Variants in EIF4E3 observed in about 807,000 individuals in gnomAD.
EIF4E3 encodes eukaryotic translation initiation factor 4E type 3.
A neutral mutation model predicts 31.7 loss-of-function variants in EIF4E3; 26 were observed. The ratio of observed to expected loss-of-function variants is 0.82; its 90% CI spans 0.60 to 1.14. EIF4E3 has a LOEUF of 1.14. Ranked by LOEUF, EIF4E3 falls within the 50% of genes most tolerant of loss-of-function variation. The pLI is 0.00. For synonymous variants in EIF4E3, 128 were observed against 107.7 expected (o/e 1.19, Z -1.17); for missense variants, 304 against 270.9 (o/e 1.12, Z -0.86).
At position 71,676,888 on chromosome 3, in the gene EIF4E3, G is replaced by A. The variant is rs970592062; in HGVS notation, c.*7794C>T. The stretch of plus-strand genomic sequence containing the variant: ...TCCATCATTCTTTTCCAGTAAGCAT[G>A]AATCACAAAACTCAAATGTTTCCTA... On this transcript the variant is annotated 3_prime_UTR_variant, in exon 7 of 7. Coordinates refer to ENST00000425534, the MANE Select transcript of EIF4E3 (RefSeq NM_001134651.2). 2 of 152,182 alleles carry A rather than the reference G, an allele frequency of 1.3e-5. No individual in the cohort carries two copies. Among genetic ancestry groups the A allele is most frequent in the Admixed American group, 6.5e-5 (1 of 15,268 alleles). 9.4% of individuals were successfully genotyped at this position (152,182 alleles called of 1,614,324 possible).
At chr3:71,742,908 A>C (rs973541696) in intron 1 of EIF4E3, among the ~76,000 whole-genome samples, 12 of 152,194 alleles carry the variant, frequency 7.9e-5, no homozygotes, top group African/African-American at 2.9e-4. Context: ...ATGCATGGAA[A>C]GCATTTGTCA....
At chr3:71,753,662 G>GGCGGCA, upstream of EIF4E3, 1 of 148,900 alleles carries the variant, frequency 6.7e-6, no homozygotes, top group Non-Finnish European at 1.5e-5. Context: ...CGGCGGCGGC[G>GGCGGCA]GCGGCGGCAG....
At chr3:71,659,944 A>C in the EIF4E3 span, among the ~76,000 whole-genome samples, 4 of 152,240 alleles carry the variant, frequency 2.6e-5, no homozygotes, top group Non-Finnish European at 5.9e-5. Flanking sequence ...GGACTTTGCT[A>C]TTCAGCCTGT....
At chr3:71,668,059 T>C in the EIF4E3 span, among the ~76,000 whole-genome samples, 2 of 152,224 alleles carry the variant, frequency 1.3e-5, no homozygotes, top group Admixed American at 6.5e-5. Flanking sequence ...ATCAGATATA[T>C]AGACCAATGG....
rs972632073 is a variant in EIF4E3 at position 71,684,516 on chromosome 3, C to G, written c.*166G>C. 4 of 592,928 alleles carry G rather than the reference C, an allele frequency of 6.7e-6. No individual in the cohort carries two copies. Among genetic ancestry groups the G allele is most frequent in the Non-Finnish European group, 1.1e-5 (4 of 359,538 alleles). The allele number at this position is 592,928 out of a possible 1,614,324, so 36.7% of individuals were successfully genotyped here. ...CGGTAGAAACCCACACAATCTCCCC[C>G]CACCCCACCTGCCACTTTGAGTCCT... On this transcript the variant is annotated 3_prime_UTR_variant, in exon 7 of 7. Transcript: ENST00000425534.
intron 1 of EIF4E3, among the ~76,000 whole-genome samples, chr3:71,739,641 G>A (rs936196103): frequency 6.6e-6 from 1 of 152,028 alleles, no homozygotes; most frequent in Non-Finnish European, 1.5e-5. Flanking sequence ...AGGCTGCGGT[G>A]AGCCGTGATG....
the EIF4E3 span, among the ~76,000 whole-genome samples, chr3:71,662,616 A>T: frequency 6.6e-6 from 1 of 152,242 alleles, no homozygotes; most frequent in African/African-American, 2.4e-5. Context: ...CAGGTAGAAG[A>T]AGAAAGAAGG....
chr3:71,718,591 C>A (rs1415983868), intron 1 of EIF4E3, among the ~76,000 whole-genome samples: 1 of 152,158 alleles, frequency 6.6e-6, no homozygotes, highest in Non-Finnish European at 1.5e-5. Flanking sequence ...GTGAACCATT[C>A]CCATGACAGA....
chr3:71,668,605 A>G, the EIF4E3 span, among the ~76,000 whole-genome samples: 1 of 152,218 alleles, frequency 6.6e-6, no homozygotes, highest in Admixed American at 6.5e-5. Context: ...GACACTTCTC[A>G]AAAGAACACC....
intron 3 of EIF4E3, among the ~76,000 whole-genome samples, chr3:71,698,079 A>G (rs1323204366): frequency 6.6e-6 from 1 of 152,156 alleles, no homozygotes; most frequent in Non-Finnish European, 1.5e-5. Flanking sequence ...AGCATTCATT[A>G]TTACCTGTCT....
chr3:71,716,098 C>T (rs975879978), intron 1 of EIF4E3, among the ~76,000 whole-genome samples: 10 of 152,202 alleles, frequency 6.6e-5, no homozygotes, highest in Admixed American at 5.9e-4. Flanking sequence ...ATATATCTAG[C>T]CACACTGCTG....
upstream of EIF4E3, among the ~76,000 whole-genome samples, chr3:71,726,058 A>G (rs2049634518): frequency 2.0e-5 from 3 of 152,206 alleles, no homozygotes; most frequent in East Asian, 5.8e-4. Flanking sequence ...CGACTGGGGC[A>G]TGAGGTTGGA....
At chr3:71,673,743 G>T (rs910461222), downstream of EIF4E3, among the ~76,000 whole-genome samples, 4 of 151,836 alleles carry the variant, frequency 2.6e-5, no homozygotes, top group Non-Finnish European at 5.9e-5. Flanking sequence ...AAATAGGAAT[G>T]ATGTCATGTC....
the EIF4E3 span, among the ~76,000 whole-genome samples, chr3:71,670,139 C>T: frequency 7.2e-5 from 11 of 152,258 alleles, no homozygotes; most frequent in East Asian, 1.9e-4. Flanking sequence ...AACTGTCGAA[C>T]GTCAGGGGGC....
chr3:71,691,314 A>AATTT (rs2049060480), intron 5 of EIF4E3, among the ~76,000 whole-genome samples: 1 of 152,240 alleles, frequency 6.6e-6, no homozygotes, highest in African/African-American at 2.4e-5. Context: ...TAGTATTAGG[A>AATTT]TATAATTTAA....
chr3:71,664,810 G>A, the EIF4E3 span, among the ~76,000 whole-genome samples: 22 of 152,282 alleles, frequency 1.4e-4, no homozygotes, highest in Non-Finnish European at 2.8e-4. Flanking sequence ...GGGAGGCAGA[G>A]GTTGCAGTGA....
At chr3:71,670,301 C>G in the EIF4E3 span, among the ~76,000 whole-genome samples, 12 of 152,298 alleles carry the variant, frequency 7.9e-5, no homozygotes, top group African/African-American at 2.6e-4. Flanking sequence ...AAGTAAATAT[C>G]TGTTGTACCA....
intron 1 of EIF4E3, among the ~76,000 whole-genome samples, chr3:71,739,298 A>C (rs991902112): frequency 6.6e-6 from 1 of 152,028 alleles, no homozygotes; most frequent in African/African-American, 2.4e-5. Flanking sequence ...AAAACAGAAA[A>C]ATAATAGAGA....
the EIF4E3 span, among the ~76,000 whole-genome samples, chr3:71,666,159 T>C: frequency 6.6e-6 from 1 of 152,154 alleles, no homozygotes; most frequent in African/African-American, 2.4e-5. Flanking sequence ...ATCCAGGAGC[T>C]GGTTTTTTGA....
Sources: allele counts gnomAD v4.1 joint callset (sites outside exome capture counted in the v4.1 genomes callset), GRCh38; gene constraint gnomAD v4.1.1; transcripts MANE v1.5; gene names NCBI Gene and HGNC (gene_info 2026-07-23, HGNC 2026-07-21).